Variants in PSD3 observed in about 807,000 individuals in gnomAD.
PSD3 encodes PH and SEC7 domain-containing protein 3.
A neutral mutation model predicts 105.5 loss-of-function variants in PSD3; 49 were observed. The observed-to-expected ratio is 0.46, with a 90% CI of 0.37 to 0.59. The LOEUF is 0.59. PSD3 is among the 20% of genes least tolerant of loss of function. The pLI is 0.00. For missense variants in PSD3, 1,561 were observed against 1,263.8 expected (o/e 1.24, Z -3.57); for synonymous variants, 557 against 457.8 (o/e 1.22, Z -2.77).
chr8:18,930,735 A>AT (rs1036912714), intron 2 of PSD3, among the ~76,000 whole-genome samples: 1 of 151,290 alleles, frequency 6.6e-6, no homozygotes, highest in Non-Finnish European at 1.5e-5. Context: ...ACACCTAGCT[A>AT]TTTTTTTTAT....
chr8:18,995,715 C>G (rs1826040418), intron 1 of PSD3, among the ~76,000 whole-genome samples: 1 of 151,960 alleles, frequency 6.6e-6, no homozygotes, highest in African/African-American at 2.4e-5. Flanking sequence ...AGCAAACGGC[C>G]AAAGGCACAT....
chr8:18,691,025 G>A (rs2130992904), intron 9 of PSD3, among the ~76,000 whole-genome samples: 1 of 152,020 alleles, frequency 6.6e-6, no homozygotes, highest in South Asian at 2.1e-4. Flanking sequence ...AAAATCCTAT[G>A]ATTTGTACAA....
intron 3 of PSD3, among the ~76,000 whole-genome samples, chr8:18,871,016 T>C (rs1817307258): frequency 6.6e-6 from 1 of 152,186 alleles, no homozygotes; most frequent in African/African-American, 2.4e-5. Flanking sequence ...GGAGGATCTC[T>C]TGAGCCTGGA....
chr8:18,603,758 C>G (rs1296921486), intron 11 of PSD3, among the ~76,000 whole-genome samples: 1 of 152,120 alleles, frequency 6.6e-6, no homozygotes, highest in Non-Finnish European at 1.5e-5. Context: ...TAAGTGAATG[C>G]TCGTGAGATC....
intron 8 of PSD3, among the ~76,000 whole-genome samples, chr8:18,776,935 T>G (rs1808156239): frequency 6.6e-6 from 1 of 152,138 alleles, no homozygotes; most frequent in African/African-American, 2.4e-5. Context: ...TCTCTAATGA[T>G]TTTGTGTTTC....
At chr8:18,604,575 TCAAA>T (rs1365518270) in intron 11 of PSD3, among the ~76,000 whole-genome samples, 5 of 151,936 alleles carry the variant, frequency 3.3e-5, no homozygotes, top group Non-Finnish European at 7.4e-5. Context: ...GAAGAGGAAT[TCAAA>T]CAGACTGCAG....
chr8:18,553,776 C>T (rs1800914203), intron 15 of PSD3, among the ~76,000 whole-genome samples: 1 of 152,168 alleles, frequency 6.6e-6, no homozygotes, highest in African/African-American at 2.4e-5. Context: ...TACAAAACCC[C>T]TTTTAGATGA....
intron 9 of PSD3, among the ~76,000 whole-genome samples, chr8:18,697,086 A>G (rs1032068902): frequency 9.2e-5 from 14 of 152,240 alleles, no homozygotes; most frequent in Admixed American, 2.6e-4. Context: ...CTATTTTATC[A>G]AATTTAAAAG....
At chr8:18,907,616 A>G (rs183308052) in intron 2 of PSD3, among the ~76,000 whole-genome samples, 2 of 152,246 alleles carry the variant, frequency 1.3e-5, no homozygotes, top group Admixed American at 6.5e-5. Context: ...TAGGAGCAAT[A>G]AGCTATACCA....
intron 15 of PSD3, among the ~76,000 whole-genome samples, chr8:18,540,139 T>C (rs1284436587): frequency 6.6e-6 from 1 of 152,188 alleles, no homozygotes; most frequent in Non-Finnish European, 1.5e-5. Flanking sequence ...GACATGTAAG[T>C]AGAAGTCTGC....
At chr8:18,859,399 A>G (rs1484682137) in intron 4 of PSD3, among the ~76,000 whole-genome samples, 1 of 152,146 alleles carries the variant, frequency 6.6e-6, no homozygotes, top group Non-Finnish European at 1.5e-5. Context: ...TTGAGAAGGG[A>G]AAATGAGCAC....
intron 14 of PSD3, among the ~76,000 whole-genome samples, chr8:18,558,681 C>A (rs892615941): frequency 2.6e-5 from 4 of 151,970 alleles, no homozygotes; most frequent in Non-Finnish European, 5.9e-5. Context: ...ATTAGCCAGG[C>A]GTGGTAGCAC....
At position 18,707,787 on chromosome 8, in the gene PSD3, T is replaced by A. The variant is rs146395904; in HGVS notation, c.2173-52102A>T. On this transcript the variant is annotated intron_variant, in intron 9 of 15. Coordinates refer to ENST00000327040, the MANE Select transcript of PSD3 (RefSeq NM_015310.4). The stretch of plus-strand genomic sequence containing the variant: ...TACTTCTTCCCCGAAGAGTACAGTC[T>A]GAGATGGAAAAGTTTGGGATGGGAA... Among the ~76,000 whole-genome samples the A allele has an allele frequency of 3.7e-4, 57 of 152,260 alleles. 1 individual carries two copies. Among genetic ancestry groups the A allele is most frequent in the African/African-American group, 1.3e-3 (54 of 41,532 alleles).
chr8:19,036,966 A>G (rs1827962762), intron 1 of PSD3, among the ~76,000 whole-genome samples: 1 of 152,152 alleles, frequency 6.6e-6, no homozygotes, highest in Non-Finnish European at 1.5e-5. Context: ...TGACCCTTTC[A>G]GCCGTGTCTT....
intron 9 of PSD3, among the ~76,000 whole-genome samples, chr8:18,757,903 G>A (rs1287641663): frequency 6.6e-6 from 1 of 152,104 alleles, no homozygotes; most frequent in Non-Finnish European, 1.5e-5. Flanking sequence ...TTAAAAGAAT[G>A]ACCAAGAGTA....
chr8:18,745,000 G>T (rs1008941791), intron 9 of PSD3, among the ~76,000 whole-genome samples: 1 of 152,162 alleles, frequency 6.6e-6, no homozygotes, highest in Admixed American at 6.5e-5. Flanking sequence ...AATGAAGTTA[G>T]GCATTTTGGG....
intron 1 of PSD3, among the ~76,000 whole-genome samples, chr8:18,950,213 C>T (rs1306234586): frequency 2.6e-5 from 4 of 152,140 alleles, no homozygotes; most frequent in Admixed American, 1.3e-4. Flanking sequence ...ACAAACTATT[C>T]GTTGAAAGCC....
chr8:18,556,127 C>G, intron 15 of PSD3, 82 bp downstream of exon 15: 1 of 1,494,114 alleles, frequency 6.7e-7, no homozygotes, highest in Non-Finnish European at 9.0e-7. Flanking sequence ...CTCAGTGACA[C>G]TGCAAAGAAA....
At chr8:18,749,476 G>A (rs768149325) in intron 9 of PSD3, among the ~76,000 whole-genome samples, 18 of 152,206 alleles carry the variant, frequency 1.2e-4, no homozygotes, top group Non-Finnish European at 2.1e-4. Flanking sequence ...GGCCCCCTAA[G>A]AGTCTCATCC....
Sources: allele counts gnomAD v4.1 joint callset (sites outside exome capture counted in the v4.1 genomes callset), GRCh38; gene constraint gnomAD v4.1.1; transcripts MANE v1.5; gene names NCBI Gene and HGNC (gene_info 2026-07-23, HGNC 2026-07-21).